IFT88: variants seen among roughly 807,000 people sequenced by gnomAD.
IFT88 encodes the protein intraflagellar transport protein 88 homolog.
Under a neutral mutation model 119.5 loss-of-function variants are expected in IFT88, and 74 were observed. That is an observed-to-expected ratio of 0.62 (90% CI 0.51 to 0.75). IFT88 has a LOEUF of 0.75. Among genes scored for constraint, IFT88 ranks in the 30% least tolerant of loss-of-function variants. The pLI, the probability that IFT88 is intolerant of heterozygous loss-of-function variation, is 0.00. For missense variants in IFT88, 961 were observed against 977.7 expected, an observed-to-expected ratio of 0.98 and a Z score of 0.23; for synonymous variants, 279 against 316.7, an observed-to-expected ratio of 0.88 and a Z score of 1.26.
At chr13:20,682,949 A>G (rs931172140) in intron 24 of IFT88, among the ~76,000 whole-genome samples, 1 of 152,220 alleles carries the variant, frequency 6.6e-6, no homozygotes, top group Non-Finnish European at 1.5e-5. Flanking sequence ...TTTTAAATCT[A>G]TGACTATTAA....
chr13:20,582,866 G>T, intron 2 of IFT88, 91 bp from the exon 3 acceptor site: 1 of 917,116 alleles, frequency 1.1e-6, no homozygotes, highest in Non-Finnish European at 1.7e-6. Context: ...ATGAGTTATA[G>T]AGGCTCTTGA....
At position 20,615,839 on chromosome 13, in the gene IFT88, G is replaced by C. The variant is rs749518522; in HGVS notation, c.1159G>C (p.Ala387Pro). The change falls in exon 14 of 26, where the codon GCT becomes CCT. Residue 387 changes from alanine to proline, a missense_variant. Coordinates refer to ENST00000351808, the MANE Select transcript of IFT88 (RefSeq NM_006531.5). ...TATTATGACATCTGCAAAACTCATT[G>C]CTCCTGTAATTGAAACATCTTTTGC... is the stretch of plus-strand genomic sequence containing the variant. ...KYIMTSAKLIAPVIETSFAAG... is the reference protein window; with the variant it reads ...KYIMTSAKLIPPVIETSFAAG... 6.2e-7 allele frequency: 1 copy of C among 1,608,852 alleles called. No individual in the cohort carries two copies. Among genetic ancestry groups the C allele is most frequent in the African/African-American group, 1.3e-5 (1 of 74,656 alleles).
chr13:20,682,106 C>A (rs1282454061), intron 24 of IFT88, among the ~76,000 whole-genome samples: 1 of 152,190 alleles, frequency 6.6e-6, no homozygotes, highest in Non-Finnish European at 1.5e-5. Flanking sequence ...GTAAGAGGGA[C>A]AATAATTTTT....
At chr13:20,608,210 A>G (rs1043015920) in intron 13 of IFT88, 2 of 280,920 alleles carry the variant, frequency 7.1e-6, no homozygotes, top group Admixed American at 7.4e-5. Context: ...CCCCCACAGC[A>G]GTTTCAGAAA....
chr13:20,585,401 A>G (rs2138441740), intron 3 of IFT88, among the ~76,000 whole-genome samples: 1 of 152,336 alleles, frequency 6.6e-6, no homozygotes, highest in East Asian at 1.9e-4. Flanking sequence ...GAGTGGTCCA[A>G]ACAGAGAGCT....
chr13:20,671,510 C>T (rs910465567), intron 24 of IFT88, among the ~76,000 whole-genome samples: 4 of 152,114 alleles, frequency 2.6e-5, no homozygotes, highest in East Asian at 1.9e-4. Flanking sequence ...TTGATCGTGA[C>T]GATGTATATA....
chr13:20,597,861 T>TAAA (rs2042008232), intron 9 of IFT88, among the ~76,000 whole-genome samples: 1 of 151,618 alleles, frequency 6.6e-6, no homozygotes, highest in African/African-American at 2.4e-5. Context: ...TCTATCAAGG[T>TAAA]GGTTATTTTG....
At chr13:20,590,687 C>T (rs1378225121) in intron 4 of IFT88, among the ~76,000 whole-genome samples, 1 of 152,068 alleles carries the variant, frequency 6.6e-6, no homozygotes, top group Non-Finnish European at 1.5e-5. Context: ...TGCTACTATC[C>T]AACTCTGCAT....
At chr13:20,636,298 C>T (rs1441553830) in intron 16 of IFT88, among the ~76,000 whole-genome samples, 1 of 152,172 alleles carries the variant, frequency 6.6e-6, no homozygotes, top group Admixed American at 6.5e-5. Context: ...TTGAATTGTT[C>T]CCTAACCTGC....
At chr13:20,665,357 A>G (rs1213673687) in intron 23 of IFT88, among the ~76,000 whole-genome samples, 1 of 152,232 alleles carries the variant, frequency 6.6e-6, no homozygotes, top group African/African-American at 2.4e-5. Flanking sequence ...ATGAAAATAA[A>G]TGTATAGTCA....
At chr13:20,590,002 T>TTTGTA in intron 4 of IFT88, 135 bp downstream of exon 4, 1 of 483,618 alleles carries the variant, frequency 2.1e-6, no homozygotes. Flanking sequence ...TTACAAACAT[T>TTTGTA]ATACAAGTCT....
chr13:20,644,060 T>G (rs1411483946), intron 19 of IFT88, among the ~76,000 whole-genome samples: 2 of 152,148 alleles, frequency 1.3e-5, no homozygotes, highest in African/African-American at 4.8e-5. Context: ...AGTTTTTTAC[T>G]TGTTTTAATG....
At chr13:20,640,571 AAAATAAATAAAT>A (rs57789982) in intron 17 of IFT88, among the ~76,000 whole-genome samples, 38,272 of 144,184 alleles carry the variant, frequency 0.27, 6,111 homozygotes, top group East Asian at 0.69. Flanking sequence ...ACTCCGTCTC[AAAATAAATAAAT>A]AAATAAATAA....
chr13:20,581,454 A>T (rs1244059795), intron 2 of IFT88, among the ~76,000 whole-genome samples: 2 of 152,104 alleles, frequency 1.3e-5, no homozygotes, highest in African/African-American at 4.8e-5. Flanking sequence ...GCTAAAGTAG[A>T]AGTATAATAA....
Position 20,599,314 on chromosome 13 carries a change from TAAAGTTAGA to T in IFT88, c.698-135_698-127del, listed in dbSNP as rs1455802560. 133 of 502,316 alleles carry T rather than the reference TAAAGTTAGA, an allele frequency of 2.6e-4. 1 individual carries two copies. Among genetic ancestry groups the T allele is most frequent in the East Asian group, 9.1e-4 (26 of 28,534 alleles). The allele number at this position is 502,316 out of a possible 1,614,324, so 31.1% of individuals were successfully genotyped here. The stretch of plus-strand genomic sequence containing the variant: ...GTAAGTTTGAAAAGTATAACTGTTT[TAAAGTTAGA>T]ATTTTAGATAATATCTGAGACTTCA... On this transcript the variant is annotated intron_variant, in intron 10 of 25. Coordinates refer to ENST00000351808, the MANE Select transcript of IFT88 (RefSeq NM_006531.5).
chr13:20,663,326 C>G, intron 22 of IFT88, 172 bp from the exon 23 acceptor site: 1 of 1,513,810 alleles, frequency 6.6e-7, no homozygotes, highest in Non-Finnish European at 8.8e-7. Context: ...CCAAGGAAGT[C>G]AGTTCTCCCT....
intron 21 of IFT88, among the ~76,000 whole-genome samples, chr13:20,656,070 G>A (rs2140611618): frequency 7.6e-6 from 1 of 131,802 alleles, no homozygotes; most frequent in South Asian, 2.4e-4. Flanking sequence ...GGTTGTGCCT[G>A]TGAATAGCCA....
chr13:20,598,017 A>C (rs903748624), intron 9 of IFT88, among the ~76,000 whole-genome samples: 1 of 152,002 alleles, frequency 6.6e-6, no homozygotes, highest in Non-Finnish European at 1.5e-5. Context: ...ACACCTCCAT[A>C]ATGTTTGCAC....
intron 7 of IFT88, 62 bp downstream of exon 7, chr13:20,592,466 C>A (rs1281017670): frequency 2.3e-6 from 3 of 1,331,456 alleles, no homozygotes; most frequent in Non-Finnish European, 3.2e-6. Flanking sequence ...TTTTATTTTC[C>A]AAATACACAA....
Sources: allele counts gnomAD v4.1 joint callset (sites outside exome capture counted in the v4.1 genomes callset), GRCh38; gene constraint gnomAD v4.1.1; transcripts MANE v1.5; gene names NCBI Gene and HGNC (gene_info 2026-07-23, HGNC 2026-07-21).